The following DOCK8 variants were observed in gnomAD, a reference collection of about 807,000 sequenced individuals.
DOCK8 encodes dedicator of cytokinesis protein 8.
In DOCK8, 141 loss-of-function variants were observed where a neutral mutation model predicts 245.6. That is an observed-to-expected ratio of 0.57 (90% CI 0.50 to 0.66). DOCK8 has a LOEUF of 0.66. Ranked by LOEUF, DOCK8 falls within the 30% of genes least tolerant of loss-of-function variation. The pLI, the probability that DOCK8 is intolerant of heterozygous loss-of-function variation, is 0.00. For synonymous variants in DOCK8, 1,168 were observed against 970.2 expected, an observed-to-expected ratio of 1.20 and a Z score of -3.79; for missense variants, 2,965 against 2,603.4, an observed-to-expected ratio of 1.14 and a Z score of -3.02.
chr9:445,236 C>T (rs2057215990), intron 43 of DOCK8, among the ~76,000 whole-genome samples: 1 of 152,136 alleles, frequency 6.6e-6, no homozygotes, highest in African/African-American at 2.4e-5. Context: ...AGCCAAGGTG[C>T]CCTTTTCCCC....
intron 3 of DOCK8, 22 bp from the exon 4 acceptor site, chr9:289,488 A>G: frequency 7.5e-6 from 12 of 1,606,126 alleles, no homozygotes; most frequent in Non-Finnish European, 1.0e-5. Flanking sequence ...TAACGTGTTT[A>G]TTTCATTTTC....
intron 14 of DOCK8, among the ~76,000 whole-genome samples, chr9:356,457 G>A (rs767713510): frequency 4.6e-5 from 7 of 151,112 alleles, no homozygotes; most frequent in Non-Finnish European, 8.8e-5. Context: ...GTGAACCCAG[G>A]AGGCAGAGCT....
At chr9:441,478 G>A in intron 41 of DOCK8, 61 bp downstream of exon 41, 1 of 1,611,574 alleles carries the variant, frequency 6.2e-7, no homozygotes, top group Non-Finnish European at 8.5e-7. Flanking sequence ...CTGTCCTACA[G>A]ATGCTTAGCC....
rs1430092086 is a variant in DOCK8, at chr9:379,928, C to T, written c.2598C>T (p.Pro866=). 1 of 1,613,824 alleles carries T rather than the reference C, an allele frequency of 6.2e-7. No individual in the cohort carries two copies. Among genetic ancestry groups the T allele is most frequent in the East Asian group, 2.2e-5 (1 of 44,858 alleles). Residue 866 remains proline, a synonymous_variant, in exon 21 of 48, where the codon CCC becomes CCT. Transcript: ENST00000432829. ...FRLPEVQRDV[P]KSGAPTALLD... Reference sequence around the variant, plus strand: ...TGCCAGAGGTGCAAAGGGATGTGCCCAAGTCAGGTAGAGTTGCCCTGAGTG... The same window carrying T: ...TGCCAGAGGTGCAAAGGGATGTGCCTAAGTCAGGTAGAGTTGCCCTGAGTG...
Position 441,908 on chromosome 9 carries a change from G to A in DOCK8, c.5389G>A (p.Val1797Ile). 1 of 1,614,148 alleles carries A rather than the reference G, an allele frequency of 6.2e-7. No homozygotes were observed. Among genetic ancestry groups the A allele is most frequent in the South Asian group, 1.1e-5 (1 of 91,080 alleles). Residue 1797 changes from valine (V) to isoleucine (I), a missense_variant, in exon 42 of 48, where the codon GTT becomes ATT. Val to Ile is a conservative substitution (Grantham distance 29, BLOSUM62 3). Around this residue, in one of 3 missense-constraint regions of DOCK8, gnomAD observed 2,825 missense variants for 2,453.5 expected, o/e 1.15. Transcript: ENST00000432829. Reference sequence around the variant, plus strand: ...GAGAATGTTTGGAACCTACTTCCGAGTTGGTTTCTTTGGATCCAAATTTGG... The same window carrying A: ...GAGAATGTTTGGAACCTACTTCCGAATTGGTTTCTTTGGATCCAAATTTGG... ...HKRMFGTYFR[V>I]GFFGSKFGDL...
At chr9:331,093 G>T (rs2050988857) in intron 9 of DOCK8, among the ~76,000 whole-genome samples, 2 of 152,256 alleles carry the variant, frequency 1.3e-5, no homozygotes, top group Admixed American at 1.3e-4. Flanking sequence ...TCACTTCATG[G>T]AAAAATTAGC....
rs76049935 is a variant in DOCK8 at position 428,032 on chromosome 9, T to G, written c.4339-330T>G. On this transcript the variant is annotated intron_variant, in intron 34 of 47. Transcript: ENST00000432829. The stretch of plus-strand genomic sequence containing the variant: ...GTACTGGGAAGCCCACAATTGTGTT[T>G]TGCATCCCATAAGGAAAGCTATGTC... 0.016 allele frequency among the ~76,000 whole-genome samples: 2,370 copies of G among 152,312 alleles called. 66 individuals are homozygous for G. Among genetic ancestry groups the G allele is most frequent in the African/African-American group, 0.054 (2,249 of 41,554 alleles).
chr9:385,901 C>G (rs1031023843), intron 22 of DOCK8, among the ~76,000 whole-genome samples: 7 of 152,050 alleles, frequency 4.6e-5, no homozygotes, highest in African/African-American at 1.7e-4. Flanking sequence ...GAGAAAATGT[C>G]TGATAGAGCA....
chr9:335,385 A>G (rs1391713231), intron 11 of DOCK8, among the ~76,000 whole-genome samples: 1 of 152,144 alleles, frequency 6.6e-6, no homozygotes, highest in Non-Finnish European at 1.5e-5. Flanking sequence ...CCATGTTCAC[A>G]TCTTTTCATG....
At chr9:378,250 A>G (rs1357645060) in intron 20 of DOCK8, among the ~76,000 whole-genome samples, 2 of 152,226 alleles carry the variant, frequency 1.3e-5, no homozygotes, top group Non-Finnish European at 2.9e-5. Context: ...CCACATAAAG[A>G]GATGGCCTTG....
At chr9:329,386 A>G (rs1404115665) in intron 9 of DOCK8, among the ~76,000 whole-genome samples, 3 of 152,276 alleles carry the variant, frequency 2.0e-5, no homozygotes, top group African/African-American at 7.2e-5. Flanking sequence ...CCATGATCTC[A>G]TGGATTCCAA....
chr9:215,143 G>A, intron 1 of DOCK8, 114 bp downstream of exon 1: 2 of 1,465,116 alleles, frequency 1.4e-6, no homozygotes, highest in Middle Eastern at 2.1e-4. Context: ...CCGCGGCGGG[G>A]CGCGCCTGAG....
At chr9:329,969 T>C (rs1032056540) in intron 9 of DOCK8, among the ~76,000 whole-genome samples, 10 of 152,256 alleles carry the variant, frequency 6.6e-5, no homozygotes, top group African/African-American at 2.4e-4. Context: ...CGTAATGCCA[T>C]CATTGTTGCT....
chr9:214,306 G>C (rs2046680473), upstream of DOCK8: 2 of 567,066 alleles, frequency 3.5e-6, no homozygotes, highest in African/African-American at 4.0e-5. Context: ...ATTCACGCCA[G>C]GTTGTGACGA....
At chr9:374,803 A>G (rs1419517499) in intron 18 of DOCK8, among the ~76,000 whole-genome samples, 1 of 151,880 alleles carries the variant, frequency 6.6e-6, no homozygotes, top group Non-Finnish European at 1.5e-5. Flanking sequence ...AGATGATTTT[A>G]AATTACATAT....
At chr9:424,821 T>A (rs1050202454) in intron 33 of DOCK8, among the ~76,000 whole-genome samples, 3 of 152,220 alleles carry the variant, frequency 2.0e-5, no homozygotes, top group Non-Finnish European at 4.4e-5. Flanking sequence ...GGTAAATTTT[T>A]ATGTTAGGTG....
chr9:454,415 C>G (rs1400078068), intron 46 of DOCK8: 1 of 152,032 alleles, frequency 6.6e-6, no homozygotes. Context: ...AGGAAAAAAA[C>G]ATAATATATG....
chr9:426,617 C>T (rs1259682359), intron 33 of DOCK8, among the ~76,000 whole-genome samples: 1 of 152,144 alleles, frequency 6.6e-6, no homozygotes, highest in Non-Finnish European at 1.5e-5. Flanking sequence ...TGCTTCTCTA[C>T]CCATAGTGTT....
intron 22 of DOCK8, among the ~76,000 whole-genome samples, chr9:384,294 T>A (rs545566268): frequency 6.6e-6 from 1 of 152,234 alleles, no homozygotes; most frequent in Non-Finnish European, 1.5e-5. Context: ...GCTACCACGA[T>A]GAATTCTTAG....
Sources: gnomAD v4.1 joint callset for allele counts (sites outside exome capture counted in the v4.1 genomes callset) on GRCh38, gnomAD v4.1.1 for gene constraint, gnomAD v4.1.1 regional missense constraint, MANE v1.5 for transcripts, NCBI Gene and HGNC (gene_info 2026-07-23, HGNC 2026-07-21) for gene names.